The following ANO3 variants were observed in gnomAD, a reference collection of about 807,000 sequenced individuals.
The protein encoded by ANO3 is anoctamin 3.
In ANO3, 99 loss-of-function variants were observed where a neutral mutation model predicts 144.8. The ratio of observed to expected loss-of-function variants is 0.68; its 90% confidence interval spans 0.58 to 0.81. ANO3 has a LOEUF of 0.81. Among genes scored for constraint, ANO3 ranks in the 30% least tolerant of loss-of-function variants. The pLI is 0.00. For synonymous variants in ANO3, 414 were observed against 392.6 expected (o/e 1.05, Z -0.64); for missense variants, 905 against 1,202.2 (o/e 0.75, Z 3.66).
At chr11:26,635,989 A>G (rs1246006874) in intron 20 of ANO3, among the ~76,000 whole-genome samples, 1 of 152,168 alleles carries the variant, frequency 6.6e-6, no homozygotes, top group Non-Finnish European at 1.5e-5. Context: ...CTTGAGGCCA[A>G]GAGTTTGAGA....
intron 1 of ANO3, among the ~76,000 whole-genome samples, chr11:26,394,663 C>T (rs924814850): frequency 2.6e-5 from 4 of 151,046 alleles, no homozygotes; most frequent in Non-Finnish European, 4.4e-5. Flanking sequence ...CTGCAACCTC[C>T]GCCTCCCAGG....
chr11:26,460,719 A>AT (rs1264995440), intron 3 of ANO3, among the ~76,000 whole-genome samples: 1 of 151,410 alleles, frequency 6.6e-6, no homozygotes, highest in East Asian at 2.0e-4. Context: ...TAAACAGAAA[A>AT]ATCTCTGCCT....
intron 1 of ANO3, among the ~76,000 whole-genome samples, chr11:26,223,746 A>G (rs1384308876): frequency 1.3e-5 from 2 of 151,824 alleles, no homozygotes; most frequent in Admixed American, 6.6e-5. Flanking sequence ...GTTTTTACTC[A>G]TGGCACAAAG....
chr11:26,250,160 C>T (rs991063837), intron 1 of ANO3, among the ~76,000 whole-genome samples: 1 of 152,200 alleles, frequency 6.6e-6, no homozygotes, highest in Non-Finnish European at 1.5e-5. Flanking sequence ...ACTGTCTCTA[C>T]TACTTGCTTT....
rs191066406 is a variant in ANO3 at position 26,374,350 on chromosome 11, T to C, written c.46+42029T>C. Among the ~76,000 whole-genome samples the C allele has an allele frequency of 7.1e-4, 108 of 152,324 alleles. 1 individual carries two copies. Among genetic ancestry groups the C allele is most frequent in the African/African-American group, 2.5e-3 (103 of 41,564 alleles). On this transcript the variant is annotated intron_variant, in intron 1 of 26. Coordinates refer to ENST00000256737, the MANE Select transcript of ANO3 (RefSeq NM_031418.4). ...GGTCAGGGCAAAGAGAGCTGCTTTG[T>C]AGTCCTGTATAGGTCTTAGAAGTGA...
intron 1 of ANO3, among the ~76,000 whole-genome samples, chr11:26,366,396 A>G (rs2133932174): frequency 6.6e-6 from 1 of 152,062 alleles, no homozygotes; most frequent in South Asian, 2.1e-4. Context: ...GTCTATTTGG[A>G]CATTTGGGTT....
At chr11:26,452,166 A>C (rs1431741327) in intron 3 of ANO3, among the ~76,000 whole-genome samples, 1 of 152,248 alleles carries the variant, frequency 6.6e-6, no homozygotes, top group Non-Finnish European at 1.5e-5. Context: ...AACTCTAAAA[A>C]GCAGAGCACC....
rs868713249 is a variant in ANO3 at position 26,564,730 on chromosome 11, C to T, written c.1447+4951C>T. On this transcript the variant is annotated intron_variant, in intron 14 of 26. Transcript: ENST00000256737. ...ACACACACACACACACACACACACA[C>T]ACATATATATATATATATATATATA... Among the ~76,000 whole-genome samples the T allele has an allele frequency of 9.6e-3, 230 of 23,906 alleles. 1 individual carries two copies. Among genetic ancestry groups the T allele is most frequent in the African/African-American group, 0.031 (171 of 5,590 alleles). 15.7% of individuals were successfully genotyped at this position (23,906 alleles called of 152,430 possible).
intron 1 of ANO3, among the ~76,000 whole-genome samples, chr11:26,301,273 C>T (rs1304986157): frequency 6.6e-6 from 1 of 152,136 alleles, no homozygotes; most frequent in Admixed American, 6.5e-5. Context: ...AAACCAAATA[C>T]CTGAATTGTT....
At chr11:26,599,486 GT>G in intron 16 of ANO3, 63 bp from the exon 17 acceptor site, 1 of 1,515,972 alleles carries the variant, frequency 6.6e-7, no homozygotes, top group Non-Finnish European at 9.0e-7. Flanking sequence ...TTGATCTACG[GT>G]TTTGCTTTTG....
chr11:26,191,896 T>C (rs1314363727), intron 1 of ANO3, among the ~76,000 whole-genome samples: 1 of 152,182 alleles, frequency 6.6e-6, no homozygotes, highest in East Asian at 1.9e-4. Flanking sequence ...CTATTATAAC[T>C]ATATAGTATG....
intron 4 of ANO3, among the ~76,000 whole-genome samples, chr11:26,498,327 A>T (rs1237860174): frequency 2.0e-5 from 3 of 151,788 alleles, no homozygotes. Flanking sequence ...AGAGTGTTCA[A>T]CTCACATAAT....
chr11:26,299,487 C>A (rs1174845582), intron 1 of ANO3, among the ~76,000 whole-genome samples: 1 of 151,454 alleles, frequency 6.6e-6, no homozygotes, highest in Non-Finnish European at 1.5e-5. Context: ...GAGCAAAAGG[C>A]AACAAATAAG....
At chr11:26,295,757 T>C (rs533278385) in intron 1 of ANO3, among the ~76,000 whole-genome samples, 154 of 152,298 alleles carry the variant, frequency 1.0e-3, no homozygotes, top group Middle Eastern at 3.4e-3. Context: ...TTTCTGGGTT[T>C]TGTTCTTGCA....
chr11:26,483,689 T>C (rs1860322400), intron 4 of ANO3, among the ~76,000 whole-genome samples: 1 of 152,146 alleles, frequency 6.6e-6, no homozygotes, highest in Non-Finnish European at 1.5e-5. Context: ...TTTATAGCAA[T>C]GCAAGAATGA....
intron 1 of ANO3, among the ~76,000 whole-genome samples, chr11:26,435,359 A>G (rs558685554): frequency 1.8e-4 from 27 of 152,206 alleles, no homozygotes; most frequent in African/African-American, 6.5e-4. Flanking sequence ...ACATTCTTTC[A>G]TTTCAACCTT....
intron 1 of ANO3, among the ~76,000 whole-genome samples, chr11:26,353,602 C>T (rs1166675154): frequency 6.6e-6 from 1 of 152,170 alleles, no homozygotes; most frequent in East Asian, 1.9e-4. Flanking sequence ...GATGGAATCT[C>T]GCTGTCGCCA....
At chr11:26,271,490 G>A (rs1853437217) in intron 1 of ANO3, among the ~76,000 whole-genome samples, 1 of 152,132 alleles carries the variant, frequency 6.6e-6, no homozygotes, top group Admixed American at 6.6e-5. Context: ...ATGATTTTAT[G>A]AATATTATCC....
chr11:26,590,480 ACTCCCAAGATGGGGTGGGCTG>A (rs1056353523), intron 14 of ANO3, among the ~76,000 whole-genome samples: 2 of 151,980 alleles, frequency 1.3e-5, no homozygotes, highest in Non-Finnish European at 2.9e-5. Flanking sequence ...GTGGCAGGCC[ACTCCCAAGATGGGGTGGGCTG>A]CTCCCAAGAT....
Sources: gnomAD v4.1 joint callset for allele counts (sites outside exome capture counted in the v4.1 genomes callset) on GRCh38, gnomAD v4.1.1 for gene constraint, MANE v1.5 for transcripts, NCBI Gene and HGNC (gene_info 2026-07-23, HGNC 2026-07-21) for gene names.